The following C5orf34 variants were observed in gnomAD, a reference collection of about 807,000 sequenced individuals.
C5orf34 encodes chromosome 5 open reading frame 34.
A neutral mutation model predicts 78.4 loss-of-function variants in C5orf34; 73 were observed. The ratio of observed to expected loss-of-function variants is 0.93; its 90% CI spans 0.77 to 1.13. The LOEUF is 1.13. C5orf34 is among the 50% of genes most tolerant of loss of function. The pLI is 0.00. For missense variants in C5orf34, 730 were observed against 732.7 expected, an observed-to-expected ratio of 1.00 and a Z score of 0.04; for synonymous variants, 251 against 246.6, an observed-to-expected ratio of 1.02 and a Z score of -0.17.
rs551667845 is a variant in C5orf34, at chr5:43,512,875, C to T, written c.-37+1931G>A. Reference sequence around the variant, plus strand: ...TGGGCTCACTGCAACCTCTGCCTCCCGGGTTCAAGTGATTCTCCTGCCTCA... The same window carrying T: ...TGGGCTCACTGCAACCTCTGCCTCCTGGGTTCAAGTGATTCTCCTGCCTCA... On this transcript the variant is annotated intron_variant, in intron 1 of 12. Transcript: ENST00000306862. Among the ~76,000 whole-genome samples, 24 of 140,388 alleles carry T rather than the reference C, an allele frequency of 1.7e-4. No individual in the cohort carries two copies. The South Asian group carries it at 2.3e-3, about 14-fold the overall frequency. 92.1% of individuals were successfully genotyped at this position (140,388 alleles called of 152,430 possible). A position where few individuals can be genotyped will look rare whatever the true frequency, so the allele number is the denominator to read the frequency against.
intron 12 of C5orf34, 106 bp from the exon 13 acceptor site, chr5:43,487,217 C>T (rs1188910961): frequency 1.8e-6 from 1 of 542,666 alleles, no homozygotes; most frequent in Non-Finnish European, 3.1e-6. Context: ...AGCTGGAAGA[C>T]CTCTTGGATT....
At chr5:43,499,091 A>G (rs1745658155) in intron 6 of C5orf34, among the ~76,000 whole-genome samples, 1 of 152,210 alleles carries the variant, frequency 6.6e-6, no homozygotes, top group Non-Finnish European at 1.5e-5. Flanking sequence ...AATGTCACCC[A>G]ATATTCAGTG....
rs531705873 is a variant in C5orf34 at position 43,496,005 on chromosome 5, C to T, written c.1153-1404G>A. 2.1e-5 allele frequency: 34 copies of T among 1,591,306 alleles called. No homozygotes were observed. The Middle Eastern group carries it at 7.7e-4, about 36-fold the overall frequency. On this transcript the variant is annotated intron_variant, in intron 6 of 12. Transcript: ENST00000306862. ...GGCTCAGTGGAATCCATTTTGTTAA[C>T]ACCAACAATTAGTTGTTTCACACCC...
intron 9 of C5orf34, 63 bp downstream of exon 9, chr5:43,492,657 T>A: frequency 7.2e-7 from 1 of 1,395,304 alleles, no homozygotes; most frequent in Non-Finnish European, 9.9e-7. Context: ...GTACTTTGTT[T>A]TCTTTGTTCT....
rs766226282 is a variant in C5orf34, at chr5:43,490,589, T to A, written c.1679+42A>T. 2.6e-5 allele frequency: 32 copies of A among 1,254,236 alleles called. 1 individual carries two copies. Among genetic ancestry groups the A allele is most frequent in the Non-Finnish European group, 3.5e-5 (30 of 860,522 alleles). The allele number at this position is 1,254,236 out of a possible 1,614,324, so 77.7% of individuals were successfully genotyped here. A position where few individuals can be genotyped will look rare whatever the true frequency, so the allele number is the denominator to read the frequency against. ...TTTGACATTTTAATTTTTTTTAAAG[T>A]ATTAGCTCTTCTAAACAGATTTAAG... is the stretch of plus-strand genomic sequence containing the variant. On this transcript the variant is annotated intron_variant, in intron 11 of 12. Transcript: ENST00000306862.
At chr5:43,512,030 A>G (rs1746283184) in intron 1 of C5orf34, among the ~76,000 whole-genome samples, 1 of 150,792 alleles carries the variant, frequency 6.6e-6, no homozygotes, top group Admixed American at 6.6e-5. Context: ...ATCAACTAAA[A>G]AAAAAAAAAA....
intron 6 of C5orf34, among the ~76,000 whole-genome samples, chr5:43,498,106 G>A (rs143994418): frequency 1.1e-3 from 160 of 152,284 alleles, no homozygotes; most frequent in African/African-American, 3.7e-3. Flanking sequence ...CAATTTAATA[G>A]TTTTTTACTT....
At chr5:43,513,256 C>G (rs1357951002) in intron 1 of C5orf34, among the ~76,000 whole-genome samples, 4 of 152,138 alleles carry the variant, frequency 2.6e-5, no homozygotes, top group Non-Finnish European at 5.9e-5. Context: ...ACTAAATGTA[C>G]CTGACCTCTC....
intron 6 of C5orf34, chr5:43,496,231 A>G (rs1341256057): frequency 1.9e-6 from 3 of 1,575,838 alleles, no homozygotes; most frequent in Non-Finnish European, 1.7e-6. Flanking sequence ...CCACAAGGAG[A>G]TATCAATGGT....
intron 3 of C5orf34, among the ~76,000 whole-genome samples, chr5:43,506,781 A>G (rs1746000631): frequency 6.6e-6 from 1 of 152,154 alleles, no homozygotes; most frequent in South Asian, 2.1e-4. Context: ...ACATTATATT[A>G]AAAGCAATCA....
At chr5:43,512,193 GC>G (rs1218075414) in intron 1 of C5orf34, among the ~76,000 whole-genome samples, 1 of 152,194 alleles carries the variant, frequency 6.6e-6, no homozygotes, top group Non-Finnish European at 1.5e-5. Context: ...TGTGGATGCT[GC>G]CTTGCAGGCA....
chr5:43,492,301 T>C lies in C5orf34; in HGVS notation c.1494A>G (p.Gln498=). ...ACTTACACCAACCTAAGTTAAGACC[T>C]TGATTTACCTGAAGAAGTAGAAAGA... ...SSPIEKRQVN[Q]GLNLGWCKLT... Residue 498 remains glutamine (Q), a synonymous_variant, in exon 10 of 13, where the codon CAA becomes CAG. Transcript: ENST00000306862. The C allele has an allele frequency of 6.3e-7, 1 of 1,596,266 alleles. No homozygotes were observed. The highest frequency in any genetic ancestry group is 8.6e-7 in the Non-Finnish European group (1 of 1,168,162).
chr5:43,501,801 T>C (rs1208736993), intron 6 of C5orf34, among the ~76,000 whole-genome samples: 1 of 152,178 alleles, frequency 6.6e-6, no homozygotes, highest in East Asian at 1.9e-4. Context: ...TGTGATACTA[T>C]AGTGATTGCT....
chr5:43,505,694 G>A (rs1202242395), intron 4 of C5orf34, 54 bp downstream of exon 4: 5 of 1,485,758 alleles, frequency 3.4e-6, no homozygotes, highest in Non-Finnish European at 4.5e-6. Flanking sequence ...AATTATCCAG[G>A]TTAAGACTGG....
Position 43,506,169 on chromosome 5 carries a change from C to G in C5orf34, c.511G>C (p.Asp171His), listed in dbSNP as rs1745976396. The G allele has an allele frequency of 6.2e-7, 1 of 1,613,988 alleles. No homozygotes were observed. Among genetic ancestry groups the G allele is most frequent in the African/African-American group, 1.3e-5 (1 of 74,888 alleles). ...TTGCCAGTTTTTTCAACTAGTTTATCTTTTGGGGCTTTATTATTTGTTTCT... is the reference window on the plus strand; with the variant it reads ...TTGCCAGTTTTTTCAACTAGTTTATGTTTTGGGGCTTTATTATTTGTTTCT... ...LSETNNKAPK[D>H]KLVEKTGKIC... is the part of the protein sequence containing the mutation. Residue 171 changes from aspartate to histidine, a missense_variant, in exon 4 of 13, where the codon GAT (aspartate) becomes CAT (histidine). Asp to His is a moderately conservative substitution (Grantham distance 81). Transcript: ENST00000306862.
At chr5:43,488,411 T>G (rs1364352513) in intron 11 of C5orf34, 1 of 153,670 alleles carries the variant, frequency 6.5e-6, no homozygotes, top group Non-Finnish European at 1.4e-5. Context: ...ACTATTTAAC[T>G]TCCTGCTCTT....
Position 43,490,679 on chromosome 5 carries a change from G to A in C5orf34, c.1631C>T (p.Pro544Leu), listed in dbSNP as rs775294937. The change falls in exon 11 of 13, where the codon CCC becomes CTC. Residue 544 changes from proline to leucine, a missense_variant. Transcript: ENST00000306862. ...TGACGAATGAGTGGGCATCTCTCTG[G>A]GACTAGTCTGGGTCAGTCTCCTGCA... Reference protein sequence around the residue: ...SWCRRLTQTSPREMPTHSSSS... With the variant: ...SWCRRLTQTSLREMPTHSSSS... 3 of 1,611,410 alleles carry A rather than the reference G, an allele frequency of 1.9e-6. No individual in the cohort carries two copies. Among genetic ancestry groups the A allele is most frequent in the East Asian group, 2.2e-5 (1 of 44,714 alleles).
Position 43,506,126 on chromosome 5 carries a change from T to G in C5orf34, c.554A>C (p.Asn185Thr), listed in dbSNP as rs1461353318. ...EKTGKICIRG[N>T]LPGQRLKNKE... The stretch of plus-strand genomic sequence containing the variant: ...ATTCTTCAGTCTCTGTCCTGGTAAA[T>G]TTCCACGTATACAGATTTTGCCAGT... The change falls in exon 4 of 13, where the codon AAT (asparagine) becomes ACT (threonine). Residue 185 changes from asparagine to threonine, a missense_variant. Physicochemically the swap from Asn to Thr is moderately conservative, Grantham distance 65 (BLOSUM62 0). Transcript: ENST00000306862. The G allele has an allele frequency of 6.2e-7, 1 of 1,614,220 alleles. No homozygotes were observed. Among genetic ancestry groups the G allele is most frequent in the Non-Finnish European group, 8.5e-7 (1 of 1,180,054 alleles).
At chr5:43,506,525 A>G in intron 3 of C5orf34, 131 bp from the exon 4 acceptor site, 1 of 833,032 alleles carries the variant, frequency 1.2e-6, no homozygotes, top group East Asian at 2.8e-5. Context: ...AGAGAATGAA[A>G]AAATGGAGGG....
Sources: allele counts gnomAD v4.1 joint callset (sites outside exome capture counted in the v4.1 genomes callset), GRCh38; gene constraint gnomAD v4.1.1; transcripts MANE v1.5; gene names NCBI Gene and HGNC (gene_info 2026-07-23, HGNC 2026-07-21).